TENM2: variants seen among roughly 807,000 people sequenced by gnomAD.
TENM2 encodes the protein teneurin transmembrane protein 2.
A neutral mutation model predicts 245.2 loss-of-function variants in TENM2; 52 were observed. The observed-to-expected ratio is 0.21, with a 90% CI of 0.17 to 0.27. The LOEUF (loss-of-function observed/expected upper bound fraction) is 0.27, where lower values mean the gene tolerates loss of function less well. Among genes scored for constraint, TENM2 ranks in the 10% least tolerant of loss-of-function variants. The pLI is 1.00. For synonymous variants in TENM2, 1,363 were observed against 1,438.9 expected, an observed-to-expected ratio of 0.95 and a Z score of 1.19; for missense variants, 3,046 against 3,666.8, an observed-to-expected ratio of 0.83 and a Z score of 4.37.
chr5:167,867,028 A>G (rs1483188572), intron 2 of TENM2, among the ~76,000 whole-genome samples: 3 of 152,222 alleles, frequency 2.0e-5, no homozygotes, highest in Non-Finnish European at 4.4e-5. Context: ...CATGACCAAC[A>G]TAATGTTTTT....
At chr5:167,173,231 A>G in the TENM2 span, among the ~76,000 whole-genome samples, 3 of 152,236 alleles carry the variant, frequency 2.0e-5, no homozygotes, top group Non-Finnish European at 2.9e-5. Flanking sequence ...CCACTTGCAG[A>G]AAACAATCGG....
At chr5:167,422,044 C>A (rs1329211618) in intron 2 of TENM2, among the ~76,000 whole-genome samples, 1 of 152,164 alleles carries the variant, frequency 6.6e-6, no homozygotes, top group Admixed American at 6.6e-5. Context: ...CCTGCCTCAA[C>A]CTCTCAAAGT....
At chr5:167,157,146 T>C in the TENM2 span, among the ~76,000 whole-genome samples, 11 of 152,222 alleles carry the variant, frequency 7.2e-5, no homozygotes, top group Admixed American at 6.5e-5. Context: ...AAATATCTTA[T>C]ATAGTAGCCC....
intron 2 of TENM2, among the ~76,000 whole-genome samples, chr5:167,438,885 C>A (rs575028844): frequency 6.6e-6 from 1 of 152,134 alleles, no homozygotes; most frequent in African/African-American, 2.4e-5. Flanking sequence ...CCTCCGCCTC[C>A]GGAGTTCAAG....
chr5:168,017,798 T>C (rs1252617651), intron 5 of TENM2, among the ~76,000 whole-genome samples: 1 of 152,186 alleles, frequency 6.6e-6, no homozygotes, highest in Admixed American at 6.5e-5. Flanking sequence ...AGAGGTTTCA[T>C]ATGTCAGGAG....
At chr5:167,201,389 C>T in the TENM2 span, among the ~76,000 whole-genome samples, 1 of 152,174 alleles carries the variant, frequency 6.6e-6, no homozygotes, top group Non-Finnish European at 1.5e-5. Flanking sequence ...CTTCATTTTA[C>T]ATGCTGAAAA....
intron 2 of TENM2, among the ~76,000 whole-genome samples, chr5:167,679,404 G>A (rs1251617535): frequency 6.6e-6 from 1 of 152,042 alleles, no homozygotes; most frequent in Non-Finnish European, 1.5e-5. Context: ...AGAAATCCTG[G>A]CATGAATTCA....
At chr5:168,037,350 C>G (rs536869726) in intron 5 of TENM2, among the ~76,000 whole-genome samples, 1 of 152,114 alleles carries the variant, frequency 6.6e-6, no homozygotes, top group Non-Finnish European at 1.5e-5. Flanking sequence ...TCATTTCTCA[C>G]TCCTGAAAAA....
intron 3 of TENM2, among the ~76,000 whole-genome samples, chr5:167,936,161 G>A (rs1778696243): frequency 6.6e-6 from 1 of 152,106 alleles, no homozygotes. Context: ...TCTGTAATTT[G>A]TTTCCCATCA....
intron 2 of TENM2, among the ~76,000 whole-genome samples, chr5:167,664,630 T>C (rs559051926): frequency 1.3e-5 from 2 of 152,360 alleles, no homozygotes; most frequent in South Asian, 4.1e-4. Context: ...CAAGATTCAG[T>C]TATTCCTCAT....
chr5:168,046,480 T>G (rs557772482), intron 5 of TENM2, among the ~76,000 whole-genome samples: 2 of 152,330 alleles, frequency 1.3e-5, no homozygotes, highest in African/African-American at 4.8e-5. Context: ...GTTTAGGGTT[T>G]GCTTTTCATT....
chr5:167,570,675 G>A (rs180932072), intron 2 of TENM2, among the ~76,000 whole-genome samples: 9 of 152,238 alleles, frequency 5.9e-5, no homozygotes, highest in East Asian at 3.9e-4. Context: ...GCATTTCACC[G>A]CCCTTCATGT....
At chr5:167,272,916 A>C in the TENM2 span, among the ~76,000 whole-genome samples, 1 of 152,130 alleles carries the variant, frequency 6.6e-6, no homozygotes, top group Non-Finnish European at 1.5e-5. Context: ...CATTGGATGC[A>C]CCTAAAATTC....
intron 1 of TENM2, among the ~76,000 whole-genome samples, chr5:167,368,831 T>G (rs1474766576): frequency 6.6e-6 from 1 of 151,714 alleles, no homozygotes; most frequent in Non-Finnish European, 1.5e-5. Context: ...GATGACAACC[T>G]CGCTGAGAGG....
At chr5:167,348,349 G>T (rs1435531109) in intron 1 of TENM2, among the ~76,000 whole-genome samples, 1 of 152,108 alleles carries the variant, frequency 6.6e-6, no homozygotes, top group Non-Finnish European at 1.5e-5. Flanking sequence ...TTATATTTGT[G>T]CATGAAGAAA....
At chr5:167,877,745 A>C (rs972628373) in intron 3 of TENM2, among the ~76,000 whole-genome samples, 1 of 152,228 alleles carries the variant, frequency 6.6e-6, no homozygotes, top group African/African-American at 2.4e-5. Context: ...ATGAAAAATC[A>C]TGTTTGAGGA....
At chr5:167,217,822 G>C in the TENM2 span, among the ~76,000 whole-genome samples, 1 of 151,220 alleles carries the variant, frequency 6.6e-6, no homozygotes, top group Non-Finnish European at 1.5e-5. Flanking sequence ...TCCTCTGCCA[G>C]CCTTGGAAGT....
chr5:167,428,996 A>C (rs1429819255), intron 2 of TENM2, among the ~76,000 whole-genome samples: 1 of 152,110 alleles, frequency 6.6e-6, no homozygotes, highest in African/African-American at 2.4e-5. Flanking sequence ...TGTTAAACCC[A>C]TCCCTTTCTG....
intron 1 of TENM2, chr5:167,310,010 C>A (rs2127752147): frequency 6.6e-6 from 1 of 152,188 alleles, no homozygotes; most frequent in South Asian, 2.1e-4. Flanking sequence ...ATATGATTAC[C>A]CTTTCTTTAT....
Sources: gnomAD v4.1 joint callset for allele counts (sites outside exome capture counted in the v4.1 genomes callset) on GRCh38, gnomAD v4.1.1 for gene constraint, MANE v1.5 for transcripts, NCBI Gene and HGNC (gene_info 2026-07-23, HGNC 2026-07-21) for gene names.